The following PRKCH variants were observed in gnomAD, a reference collection of about 807,000 sequenced individuals.
The protein encoded by PRKCH is protein kinase C eta type.
PRKCH carries 28 observed loss-of-function variants against 82.5 expected under a neutral mutation model. The observed-to-expected ratio is 0.34, with a 90% CI of 0.25 to 0.47. The LOEUF (loss-of-function observed/expected upper bound fraction) is 0.47. Among genes scored for constraint, PRKCH ranks in the 20% least tolerant of loss-of-function variants. The pLI, the probability that PRKCH is intolerant of heterozygous loss-of-function variation, is 1.00. For synonymous variants in PRKCH, 322 were observed against 327.4 expected, an observed-to-expected ratio of 0.98 and a Z score of 0.18; for missense variants, 705 against 881.8, an observed-to-expected ratio of 0.80 and a Z score of 2.54.
intron 1 of PRKCH, among the ~76,000 whole-genome samples, chr14:61,265,697 G>C (rs972911450): frequency 6.6e-6 from 1 of 152,092 alleles, no homozygotes; most frequent in Non-Finnish European, 1.5e-5. Context: ...TTTTAGTCTG[G>C]GCTTGAAAAC....
chr14:61,274,369 T>C (rs374771869), intron 1 of PRKCH, among the ~76,000 whole-genome samples: 23 of 152,290 alleles, frequency 1.5e-4, no homozygotes, highest in African/African-American at 5.3e-4. Flanking sequence ...CTTTCTCCTG[T>C]AGGCTGTGGG....
rs547007788 is a variant in PRKCH, at chr14:61,448,761, A to G, written c.614-403A>G. On this transcript the variant is annotated intron_variant, in intron 4 of 13. Transcript: ENST00000332981. ...GTTTTTACTGGAACAAGTAGATCCC[A>G]TAGAAGAAAGGTGACAGGTAGCTTG... Among the ~76,000 whole-genome samples the G allele has an allele frequency of 2.6e-5, 4 of 152,332 alleles. No homozygotes were observed. The South Asian group carries it at 6.2e-4, about 24-fold the overall frequency.
chr14:61,233,333 G>C (rs1229336281), intron 1 of PRKCH, among the ~76,000 whole-genome samples: 1 of 151,788 alleles, frequency 6.6e-6, no homozygotes, highest in Non-Finnish European at 1.5e-5. Flanking sequence ...TGAGGCTGCA[G>C]TGAGCCATAA....
chr14:61,536,372 G>C (rs1237672842), intron 12 of PRKCH, among the ~76,000 whole-genome samples: 2 of 152,132 alleles, frequency 1.3e-5, no homozygotes, highest in Admixed American at 1.3e-4. Flanking sequence ...GTTGGACTTT[G>C]CCCCATGCTG....
rs112534061 is a variant in PRKCH at position 61,516,614 on chromosome 14, G to T, written c.1434-12461G>T. Among the ~76,000 whole-genome samples, 694 of 152,248 alleles carry T rather than the reference G, an allele frequency of 4.6e-3. 12 individuals are homozygous for T. The highest frequency in any genetic ancestry group is 0.016 in the African/African-American group (666 of 41,512). On this transcript the variant is annotated intron_variant, in intron 10 of 13. Coordinates refer to ENST00000332981, the MANE Select transcript of PRKCH (RefSeq NM_006255.5). ...GGTTGCAAAACCAAGTGCTGGGGCC[G>T]GAGTGAGTGCTCAAGAAGTACCAGT...
intron 1 of PRKCH, chr14:61,322,677 A>T (rs2045644216): frequency 3.3e-6 from 2 of 615,006 alleles, no homozygotes; most frequent in African/African-American, 1.8e-5. Context: ...CGGCCTGGAC[A>T]CGATCCCCTT....
At chr14:61,251,310 C>T (rs1241580586) in intron 1 of PRKCH, among the ~76,000 whole-genome samples, 3 of 152,136 alleles carry the variant, frequency 2.0e-5, no homozygotes, top group Non-Finnish European at 4.4e-5. Context: ...TTCGTTCTTT[C>T]TAATTATTTT....
chr14:61,246,198 G>A (rs1306913961), intron 1 of PRKCH, among the ~76,000 whole-genome samples: 1 of 151,404 alleles, frequency 6.6e-6, no homozygotes, highest in Non-Finnish European at 1.5e-5. Context: ...CTGAGGTCAG[G>A]AGTTCAACAC....
intron 10 of PRKCH, among the ~76,000 whole-genome samples, chr14:61,486,210 G>A (rs1231058986): frequency 6.6e-6 from 1 of 152,072 alleles, no homozygotes; most frequent in African/African-American, 2.4e-5. Context: ...AACATTTGAA[G>A]TGAATCCCTT....
At chr14:61,466,261 T>G (rs1271651346) in intron 9 of PRKCH, among the ~76,000 whole-genome samples, 1 of 152,230 alleles carries the variant, frequency 6.6e-6, no homozygotes, top group Non-Finnish European at 1.5e-5. Context: ...TAAGCCATTA[T>G]TAAGTCAGGG....
At chr14:61,379,182 C>T (rs1295935529) in intron 1 of PRKCH, among the ~76,000 whole-genome samples, 2 of 152,170 alleles carry the variant, frequency 1.3e-5, no homozygotes, top group African/African-American at 4.8e-5. Context: ...TGTGCATTTG[C>T]ACACTCCCCG....
At chr14:61,446,235 C>T (rs543714617) in intron 4 of PRKCH, among the ~76,000 whole-genome samples, 1 of 150,518 alleles carries the variant, frequency 6.6e-6, no homozygotes, top group South Asian at 2.1e-4. Context: ...TTGTAAGTTA[C>T]TACATGTTAT....
chr14:61,507,010 T>C (rs1173992736), intron 10 of PRKCH, among the ~76,000 whole-genome samples: 2 of 152,052 alleles, frequency 1.3e-5, no homozygotes, highest in Non-Finnish European at 2.9e-5. Context: ...AAAGGCAACC[T>C]ATGGAAAGGG....
At chr14:61,452,114 C>G (rs1429833574) in intron 6 of PRKCH, among the ~76,000 whole-genome samples, 2 of 152,264 alleles carry the variant, frequency 1.3e-5, no homozygotes, top group East Asian at 3.9e-4. Flanking sequence ...TCCCTAGTGG[C>G]CTGAGGGTAG....
At chr14:61,229,973 T>C (rs1305054161) in intron 1 of PRKCH, among the ~76,000 whole-genome samples, 1 of 152,204 alleles carries the variant, frequency 6.6e-6, no homozygotes, top group East Asian at 1.9e-4. Flanking sequence ...GATTTTATTT[T>C]TGTAAGAGTG....
intron 1 of PRKCH, among the ~76,000 whole-genome samples, chr14:61,343,645 T>A (rs2045956570): frequency 6.6e-6 from 1 of 152,172 alleles, no homozygotes. Flanking sequence ...TCAAGTAATA[T>A]TTTGAGTAAT....
chr14:61,396,687 C>G (rs1365069239), intron 2 of PRKCH, among the ~76,000 whole-genome samples: 3 of 152,046 alleles, frequency 2.0e-5, no homozygotes, highest in African/African-American at 4.8e-5. Context: ...AGGACTGTGC[C>G]TAGAAGGGAA....
Position 61,244,812 on chromosome 14 carries a change from AC to A in PRKCH, c.-19+57149del, listed in dbSNP as rs1274570736. Among the ~76,000 whole-genome samples, 11 of 152,252 alleles carry A rather than the reference AC, an allele frequency of 7.2e-5. No individual in the cohort carries two copies. In the South Asian group the frequency reaches 2.1e-3, roughly 29 times the overall value. On this transcript the variant is annotated intron_variant, in intron 1 of 3. Coordinates refer to the PRKCH transcript ENST00000555185. ...ACCTATTATGCCTCACACTTTATATACCCCCGAATACAACAAGAAGAAACTT... is the reference window on the plus strand; with the variant it reads ...ACCTATTATGCCTCACACTTTATATACCCCGAATACAACAAGAAGAAACTT...
intron 2 of PRKCH, among the ~76,000 whole-genome samples, chr14:61,419,013 C>T (rs1274716440): frequency 1.3e-5 from 2 of 152,152 alleles, no homozygotes; most frequent in African/African-American, 2.4e-5. Flanking sequence ...TTATTTAGAT[C>T]CTACACTGGC....
Sources: gnomAD v4.1 joint callset for allele counts (sites outside exome capture counted in the v4.1 genomes callset) on GRCh38, gnomAD v4.1.1 for gene constraint, MANE v1.5 for transcripts, NCBI Gene and HGNC (gene_info 2026-07-23, HGNC 2026-07-21) for gene names.